Variants in A1CF observed in about 807,000 individuals in gnomAD.
A1CF encodes APOBEC-1 stimulating protein.
A1CF carries 48 observed loss-of-function variants against 68.9 expected under a neutral mutation model. The ratio of observed to expected loss-of-function variants is 0.70; its 90% confidence interval spans 0.55 to 0.89. A1CF has a LOEUF of 0.89. Ranked by LOEUF, A1CF falls within the 40% of genes least tolerant of loss-of-function variation. The pLI, the probability that A1CF is intolerant of heterozygous loss-of-function variation, is 0.00. For missense variants in A1CF, 653 were observed against 718.9 expected (o/e 0.91, Z 1.05); for synonymous variants, 272 against 260.4 (o/e 1.04, Z -0.43).
chr10:50,843,633 C>T (rs1435493390), intron 4 of A1CF, among the ~76,000 whole-genome samples: 1 of 152,124 alleles, frequency 6.6e-6, no homozygotes, highest in Admixed American at 6.6e-5. Context: ...CTTTATAAAA[C>T]TGTATTAAAA....
At chr10:50,810,962 T>C in intron 11 of A1CF, 78 bp downstream of exon 11, 1 of 1,448,370 alleles carries the variant, frequency 6.9e-7, no homozygotes, top group Non-Finnish European at 9.3e-7. Context: ...AGTATCTTGT[T>C]TAGATGGTGA....
At chr10:50,863,752 T>C (rs1188083720) in intron 2 of A1CF, among the ~76,000 whole-genome samples, 1 of 152,032 alleles carries the variant, frequency 6.6e-6, no homozygotes, top group African/African-American at 2.4e-5. Context: ...AGGAGATGAA[T>C]AGAAGTTGGT....
intron 1 of A1CF, among the ~76,000 whole-genome samples, chr10:50,874,974 T>A (rs150072257): frequency 6.6e-6 from 1 of 152,278 alleles, no homozygotes; most frequent in African/African-American, 2.4e-5. Flanking sequence ...ATTTTAAAGC[T>A]TCTCAGGTGA....
chr10:50,820,423 T>C (rs2132354902), intron 8 of A1CF, 129 bp downstream of exon 8: 2 of 676,976 alleles, frequency 3.0e-6, no homozygotes, highest in Middle Eastern at 2.5e-4. Context: ...TAGTACATCT[T>C]AAATGGACTG....
intron 7 of A1CF, among the ~76,000 whole-genome samples, 198 bp downstream of exon 7, chr10:50,827,933 C>T (rs1454714899): frequency 6.6e-6 from 1 of 151,736 alleles, no homozygotes; most frequent in Non-Finnish European, 1.5e-5. Context: ...CAAATAAGCA[C>T]AATAAAAAAT....
At position 50,804,437 on chromosome 10, in the gene A1CF, T is replaced by C. The variant is rs1210419708; in HGVS notation, c.*2292A>G. On this transcript the variant is annotated 3_prime_UTR_variant, in exon 13 of 13. Transcript: ENST00000373997. ...ATCCAGAATACCCTTTGCTGTTTAT[T>C]TGCAAAGATTTTAAGGAAAATCAGA... The C allele has an allele frequency of 6.6e-6, 1 of 152,214 alleles. No homozygotes were observed. The highest frequency in any genetic ancestry group is 2.4e-5 in the African/African-American group (1 of 41,470). 9.4% of individuals were successfully genotyped at this position (152,214 alleles called of 1,614,324 possible). A position where few individuals can be genotyped will look rare whatever the true frequency, so the allele number is the denominator to read the frequency against.
intron 7 of A1CF, among the ~76,000 whole-genome samples, chr10:50,822,341 C>T (rs1373937665): frequency 6.6e-6 from 1 of 152,198 alleles, no homozygotes; most frequent in Non-Finnish European, 1.5e-5. Flanking sequence ...TTAATCCCTA[C>T]ACTCACTTGG....
intron 7 of A1CF, among the ~76,000 whole-genome samples, chr10:50,826,563 T>A (rs1362977128): frequency 6.6e-6 from 1 of 152,088 alleles, no homozygotes; most frequent in Non-Finnish European, 1.5e-5. Flanking sequence ...ATAAAATACT[T>A]TACAGACAAG....
chr10:50,854,629 T>C (rs181281712), intron 3 of A1CF, among the ~76,000 whole-genome samples: 15 of 152,086 alleles, frequency 9.9e-5, no homozygotes, highest in African/African-American at 3.6e-4. Flanking sequence ...CCTTATGTTG[T>C]TGTAAATTTT....
At chr10:50,818,753 C>T (rs1838492728) in intron 8 of A1CF, among the ~76,000 whole-genome samples, 2 of 152,120 alleles carry the variant, frequency 1.3e-5, no homozygotes, top group African/African-American at 4.8e-5. Flanking sequence ...AGAGTGAATA[C>T]TTTCTCCACC....
At chr10:50,855,789 G>A (rs1840451464) in intron 3 of A1CF, among the ~76,000 whole-genome samples, 1 of 151,922 alleles carries the variant, frequency 6.6e-6, no homozygotes, top group Non-Finnish European at 1.5e-5. Context: ...ATCAGAGACT[G>A]CAAAGATACA....
At chr10:50,836,389 A>G (rs1001802103) in intron 5 of A1CF, 77 bp from the exon 6 acceptor site, 70 of 1,473,208 alleles carry the variant, frequency 4.8e-5, no homozygotes, top group Admixed American at 3.5e-4. Flanking sequence ...TGTGGGCCAA[A>G]TGTTGCCTGA....
chr10:50,873,184 G>C (rs1841355682), intron 1 of A1CF, among the ~76,000 whole-genome samples: 1 of 151,946 alleles, frequency 6.6e-6, no homozygotes, highest in East Asian at 1.9e-4. Flanking sequence ...TCGAACTCCT[G>C]ACCTCCAGTG....
intron 6 of A1CF, among the ~76,000 whole-genome samples, chr10:50,829,691 A>G (rs1315404302): frequency 6.6e-6 from 1 of 152,020 alleles, no homozygotes; most frequent in Non-Finnish European, 1.5e-5. Flanking sequence ...TTCCCCTTGT[A>G]TGCTTTACAT....
chr10:50,841,693 T>C (rs545618227), intron 5 of A1CF, among the ~76,000 whole-genome samples, 169 bp downstream of exon 5: 1 of 152,344 alleles, frequency 6.6e-6, no homozygotes, highest in Admixed American at 6.5e-5. Context: ...ATAGTATTGA[T>C]ATTAATAAAT....
At chr10:50,864,233 G>A (rs2132546894) in intron 1 of A1CF, among the ~76,000 whole-genome samples, 153 bp from the exon 2 acceptor site, 1 of 152,294 alleles carries the variant, frequency 6.6e-6, no homozygotes, top group South Asian at 2.1e-4. Context: ...TGATGAGCAG[G>A]CTGTGCAACA....
chr10:50,808,301 C>T (rs1407707876), intron 12 of A1CF, among the ~76,000 whole-genome samples: 6 of 152,206 alleles, frequency 3.9e-5, no homozygotes, highest in African/African-American at 1.4e-4. Context: ...CCCAAGACAA[C>T]ACTCATGCCC....
At chr10:50,866,856 G>A (rs1338832516) in intron 1 of A1CF, among the ~76,000 whole-genome samples, 1 of 152,068 alleles carries the variant, frequency 6.6e-6, no homozygotes, top group Non-Finnish European at 1.5e-5. Context: ...CAGACAAAGA[G>A]GGAAAATGAG....
In A1CF at chr10:50,813,215, A is replaced by C. The variant is rs567934778; in HGVS notation, c.1323+642T>G. Among the ~76,000 whole-genome samples, 10 of 152,334 alleles carry C rather than the reference A, an allele frequency of 6.6e-5. No individual in the cohort carries two copies. In the East Asian group the frequency reaches 1.7e-3, roughly 26 times the overall value. On this transcript the variant is annotated intron_variant, in intron 10 of 12. Transcript: ENST00000373997. The stretch of plus-strand genomic sequence containing the variant: ...TGTTTTATTTTTAACCCCGGGAGTC[A>C]GTTTCCATATTGAAACTTTTATAGC...
Sources: allele counts gnomAD v4.1 joint callset (sites outside exome capture counted in the v4.1 genomes callset), GRCh38; gene constraint gnomAD v4.1.1; transcripts MANE v1.5; gene names NCBI Gene and HGNC (gene_info 2026-07-23, HGNC 2026-07-21).